UTY: variants seen among roughly 807,000 people sequenced by gnomAD.
The protein encoded by UTY is histone demethylase UTY.
Under a neutral mutation model 32.5 loss-of-function variants are expected in UTY, and 12 were observed. That is an observed-to-expected ratio of 0.37 (90% CI 0.24 to 0.60). UTY has a LOEUF of 0.60. Ranked by LOEUF, UTY falls within the 20% of genes least tolerant of loss-of-function variation. The pLI is 0.69. For synonymous variants in UTY, 131 were observed against 103.4 expected, an observed-to-expected ratio of 1.27 and a Z score of -1.62; for missense variants, 303 against 299.2, an observed-to-expected ratio of 1.01 and a Z score of -0.09.
intron 27 of UTY, among the ~76,000 whole-genome samples, chrY:13,262,343 A>G (rs2148454654): frequency 3.1e-5 from 1 of 32,348 alleles, no homozygotes; most frequent in East Asian, 8.2e-4. Flanking sequence ...ATGATGTTAC[A>G]AGGCTATTTA....
intron 8 of UTY, among the ~76,000 whole-genome samples, chrY:13,390,282 G>A (rs2067389665): frequency 3.1e-5 from 1 of 32,593 alleles, no homozygotes. Context: ...CTAGTACTAT[G>A]TGGAACAGGA....
chrY:13,256,802 T>G, intron 28 of UTY, among the ~76,000 whole-genome samples: 1 of 33,982 alleles, frequency 2.9e-5, no homozygotes, highest in South Asian at 6.5e-4. Context: ...TGACTTTATT[T>G]TCTCAACTGC....
At chrY:13,411,987 T>G in intron 5 of UTY, among the ~76,000 whole-genome samples, 2 of 33,852 alleles carry the variant, frequency 5.9e-5, no homozygotes, top group East Asian at 1.5e-3. Context: ...CCAATCTAAT[T>G]CAGTGTTGAT....
At chrY:13,286,954 G>C in intron 27 of UTY, 1 of 381,904 alleles carries the variant, frequency 2.6e-6, no homozygotes, top group South Asian at 3.0e-5. Context: ...TACAAGTATG[G>C]CTATGAAATT....
chrY:13,479,260 T>C lies in UTY; in HGVS notation c.210A>G (p.Leu70=). The stretch of plus-strand genomic sequence containing the variant: ...TGCGTCTGGTTGCTTTTACCTTGCC[T>C]AGTAGGGTCTTCGTTCTGGCGCCAT... The part of the protein sequence containing the change: ...HEDGARTKTL[L]GKAVRCYESL... Residue 70 remains leucine, a synonymous_variant, in exon 2 of 30, where the codon CTA becomes CTG. Transcript: ENST00000545955. 1.0e-5 allele frequency: 4 copies of C among 398,387 alleles called. No homozygotes were observed. The highest frequency in any genetic ancestry group is 1.4e-5 in the Non-Finnish European group (4 of 283,281).
chrY:13,333,134 T>C (rs2060804074), intron 18 of UTY, among the ~76,000 whole-genome samples: 1 of 33,189 alleles, frequency 3.0e-5, no homozygotes, highest in Admixed American at 2.7e-4. Context: ...AGAACCAATA[T>C]AGTGAAAATG....
intron 29 of UTY, among the ~76,000 whole-genome samples, 186 bp from the exon 30 acceptor site, chrY:13,250,068 T>C: frequency 3.0e-5 from 1 of 33,667 alleles, no homozygotes; most frequent in South Asian, 6.6e-4. Flanking sequence ...TTGCCCAGAC[T>C]GGAGTGCAAT....
chrY:13,341,008 G>A, intron 17 of UTY, among the ~76,000 whole-genome samples: 1 of 32,948 alleles, frequency 3.0e-5, no homozygotes. Context: ...TGGAATAAAG[G>A]CTGAAGGGGA....
chrY:13,355,716 C>T, intron 16 of UTY: 1 of 339,049 alleles, frequency 2.9e-6, no homozygotes. Context: ...TCAAATCAAT[C>T]ATTTGGATCT....
chrY:13,304,494 T>G, intron 24 of UTY, among the ~76,000 whole-genome samples: 6 of 33,065 alleles, frequency 1.8e-4, no homozygotes, highest in Non-Finnish European at 7.5e-5. Context: ...TGCAATGTAA[T>G]GAAACCCAAA....
At chrY:13,352,138 T>C (rs2062443022) in intron 17 of UTY, among the ~76,000 whole-genome samples, 2 of 33,192 alleles carry the variant, frequency 6.0e-5, no homozygotes, top group Non-Finnish European at 1.5e-4. Context: ...CCAGTCCTTC[T>C]ATTTTTTTCC....
At chrY:13,270,132 C>T (rs754501416) in intron 27 of UTY, among the ~76,000 whole-genome samples, 1 of 33,506 alleles carries the variant, frequency 3.0e-5, no homozygotes, top group Non-Finnish European at 7.4e-5. Context: ...TAAGGTTTTG[C>T]GGCAAAATAA....
chrY:13,358,544 A>T lies in UTY; in HGVS notation c.1396T>A (p.Ser466Thr). The T allele has an allele frequency of 2.7e-6, 1 of 375,886 alleles. No individual in the cohort carries two copies. The allele number at this position is 375,886 out of a possible 400,897, so 93.8% of individuals were successfully genotyped here. A position where few individuals can be genotyped will look rare whatever the true frequency, so the allele number is the denominator to read the frequency against. ...TGGCTAGAAGTAATCATGTGTAGTG[A>T]CAAGGATTGCTGTAAAATTGGTGTT... ...SQTPILQQSLSLHMITSSQVE... is the reference protein window; with the variant it reads ...SQTPILQQSLTLHMITSSQVE... Residue 466 changes from serine to threonine, a missense_variant, in exon 14 of 30, where the codon TCA becomes ACA. By Grantham distance (58) the Ser-to-Thr change is moderately conservative. Transcript: ENST00000545955.
chrY:13,408,012 C>A (rs765008424), intron 6 of UTY, among the ~76,000 whole-genome samples: 1 of 32,631 alleles, frequency 3.1e-5, no homozygotes, highest in South Asian at 6.7e-4. Context: ...GAGAACTAAA[C>A]CTTACTCAAG....
intron 21 of UTY, 30 bp from the exon 22 acceptor site, chrY:13,306,280 T>C: frequency 3.3e-6 from 1 of 302,054 alleles, no homozygotes; most frequent in East Asian, 9.8e-5. Flanking sequence ...TATTCATACT[T>C]AGTATCCTCT....
rs2055176642 is a variant in UTY at position 13,260,408 on chromosome Y, T to C, written c.4011-4A>G. The C allele has an allele frequency of 2.6e-6, 1 of 387,694 alleles. No individual in the cohort carries two copies. Among genetic ancestry groups the C allele is most frequent in the Non-Finnish European group, 3.6e-6 (1 of 275,951 alleles). On this transcript the variant is annotated splice_region_variant and splice_polypyrimidine_tract_variant and intron_variant, in intron 27 of 29. Transcript: ENST00000545955. ...CAGAATTTTCAAAAGACAATACCTA[T>C]TGTGGGAAAAAACTATTTGTGAGAG... is the stretch of plus-strand genomic sequence containing the variant.
At position 13,434,014 on chromosome Y, in the gene UTY, G is replaced by A. The variant is rs779584486; in HGVS notation, c.375+15003C>T. Among the ~76,000 whole-genome samples, 6 of 33,704 alleles carry A rather than the reference G, an allele frequency of 1.8e-4. No homozygotes were observed. The South Asian group carries it at 3.9e-3, about 22-fold the overall frequency. 90.4% of individuals were successfully genotyped at this position (33,704 alleles called of 37,273 possible). On this transcript the variant is annotated intron_variant, in intron 4 of 29. Transcript: ENST00000545955. ...CTGGTTGAAGCAATCAAACAAAAAGGAAGTGTGATGAATCAAAGGGAATCA... is the reference window on the plus strand; with the variant it reads ...CTGGTTGAAGCAATCAAACAAAAAGAAAGTGTGATGAATCAAAGGGAATCA...
At chrY:13,363,638 GTCTT>G (rs2063759157) in intron 10 of UTY, among the ~76,000 whole-genome samples, 1 of 32,513 alleles carries the variant, frequency 3.1e-5, no homozygotes, top group African/African-American at 1.2e-4. Context: ...CTGGTTCACA[GTCTT>G]TCTATTTATA....
chrY:13,411,764 T>C (rs2070981887), intron 5 of UTY, among the ~76,000 whole-genome samples: 2 of 33,775 alleles, frequency 5.9e-5, no homozygotes, highest in East Asian at 1.5e-3. Context: ...GAGCTGAAAT[T>C]ACAGGCAAAC....
Sources: gnomAD v4.1 joint callset for allele counts (sites outside exome capture counted in the v4.1 genomes callset) on GRCh38, gnomAD v4.1.1 for gene constraint, MANE v1.5 for transcripts, NCBI Gene and HGNC (gene_info 2026-07-23, HGNC 2026-07-21) for gene names.